Variants in NFIA observed in about 807,000 individuals in gnomAD.
NFIA encodes nuclear factor I A.
Under a neutral mutation model 62.8 loss-of-function variants are expected in NFIA, and 8 were observed. That is an observed-to-expected ratio of 0.13 (90% confidence interval 0.07 to 0.23). The LOEUF (loss-of-function observed/expected upper bound fraction) is 0.23. Ranked by LOEUF, NFIA falls within the 10% of genes least tolerant of loss-of-function variation. The probability of loss-of-function intolerance (pLI) is 1.00; values close to 1 mark genes in which losing one functional copy is unlikely to be tolerated. For synonymous variants in NFIA, 235 were observed against 238.1 expected, an observed-to-expected ratio of 0.99 and a Z score of 0.12; for missense variants, 410 against 642.1, an observed-to-expected ratio of 0.64 and a Z score of 3.91.
At chr1:61,177,085 G>C (rs188746369) in intron 2 of NFIA, among the ~76,000 whole-genome samples, 2 of 150,938 alleles carry the variant, frequency 1.3e-5, no homozygotes, top group South Asian at 2.1e-4. Flanking sequence ...CAGCCTGGGC[G>C]ACAGAGCGAG....
At chr1:61,224,320 G>A (rs1304052075) in intron 2 of NFIA, among the ~76,000 whole-genome samples, 1 of 151,940 alleles carries the variant, frequency 6.6e-6, no homozygotes, top group Non-Finnish European at 1.5e-5. Flanking sequence ...AAAAAAGTGT[G>A]CTTTTTTGGT....
intron 7 of NFIA, among the ~76,000 whole-genome samples, chr1:61,398,613 G>T (rs72913897): frequency 6.6e-6 from 1 of 152,084 alleles, no homozygotes; most frequent in African/African-American, 2.4e-5. Context: ...GTGCATCTTC[G>T]TGATGTTAAA....
intron 2 of NFIA, among the ~76,000 whole-genome samples, chr1:61,136,422 A>G (rs1647190880): frequency 6.6e-6 from 1 of 152,204 alleles, no homozygotes; most frequent in South Asian, 2.1e-4. Flanking sequence ...ATTTAATTAG[A>G]CAAATTATAC....
At chr1:61,235,821 AAAAAAGAAAAAG>A (rs869219255) in intron 2 of NFIA, among the ~76,000 whole-genome samples, 2 of 151,882 alleles carry the variant, frequency 1.3e-5, no homozygotes, top group Non-Finnish European at 2.9e-5. Context: ...TCAAAAAAAA[AAAAAAGAAAAAG>A]AAAAAGAAAG....
At chr1:61,179,831 A>G in intron 2 of NFIA, among the ~76,000 whole-genome samples, 1 of 151,992 alleles carries the variant, frequency 6.6e-6, no homozygotes, top group East Asian at 1.9e-4. Flanking sequence ...TGGGGGGTGA[A>G]AGTTGATTTT....
chr1:61,097,320 T>A (rs1171121956), intron 2 of NFIA, among the ~76,000 whole-genome samples: 1 of 152,174 alleles, frequency 6.6e-6, no homozygotes, highest in Non-Finnish European at 1.5e-5. Context: ...TTTAAATGGC[T>A]ATTGCTGTAG....
intron 2 of NFIA, among the ~76,000 whole-genome samples, chr1:61,238,143 G>C (rs180840927): frequency 1.3e-5 from 2 of 152,274 alleles, no homozygotes; most frequent in African/African-American, 4.8e-5. Context: ...CAAGCAGTTT[G>C]CTTTGTTACC....
chr1:61,294,007 T>C (rs925385746), intron 3 of NFIA, among the ~76,000 whole-genome samples: 1 of 152,230 alleles, frequency 6.6e-6, no homozygotes, highest in Non-Finnish European at 1.5e-5. Flanking sequence ...GTTTAAATTA[T>C]AATACAATCC....
intron 2 of NFIA, among the ~76,000 whole-genome samples, chr1:61,256,342 A>G (rs1656392824): frequency 1.3e-5 from 2 of 151,250 alleles, no homozygotes; most frequent in Admixed American, 6.6e-5. Flanking sequence ...AGGCTGAGGC[A>G]GGAGAATCGC....
At chr1:61,368,526 T>C (rs1361685304) in intron 6 of NFIA, among the ~76,000 whole-genome samples, 1 of 152,212 alleles carries the variant, frequency 6.6e-6, no homozygotes, top group Admixed American at 6.5e-5. Context: ...CTTCTCTGAA[T>C]TTTCATTTCC....
chr1:61,129,870 T>C (rs1647043195), intron 2 of NFIA, among the ~76,000 whole-genome samples: 1 of 152,092 alleles, frequency 6.6e-6, no homozygotes, highest in Non-Finnish European at 1.5e-5. Flanking sequence ...AAGTTAGAGA[T>C]GTGGGGAGAC....
In NFIA at chr1:61,377,630, C is replaced by T. The variant is rs77668454; in HGVS notation, c.947-5607C>T. Among the ~76,000 whole-genome samples the T allele has an allele frequency of 3.8e-3, 572 of 152,242 alleles. 2 individuals carry two copies. The highest frequency in any genetic ancestry group is 6.1e-3 in the Non-Finnish European group (414 of 68,014). ...GGTTGCTTGCTTTCAGAGTTTCTCTCCGTTTGTGACTATAAATGAACATTA... is the reference window on the plus strand; with the variant it reads ...GGTTGCTTGCTTTCAGAGTTTCTCTTCGTTTGTGACTATAAATGAACATTA... On this transcript the variant is annotated intron_variant, in intron 6 of 10. Transcript: ENST00000403491.
intron 10 of NFIA, among the ~76,000 whole-genome samples, chr1:61,430,429 T>G (rs1263597297): frequency 1.3e-5 from 2 of 152,240 alleles, no homozygotes; most frequent in Non-Finnish European, 2.9e-5. Flanking sequence ...ATCCAGAGTG[T>G]TTCTGTGCAT....
intron 10 of NFIA, among the ~76,000 whole-genome samples, chr1:61,449,710 T>C (rs139094430): frequency 6.6e-6 from 1 of 152,352 alleles, no homozygotes; most frequent in African/African-American, 2.4e-5. Context: ...CATTACGGTT[T>C]TAATAGTTTT....
intron 3 of NFIA, among the ~76,000 whole-genome samples, chr1:61,323,488 T>C (rs1296955677): frequency 6.6e-6 from 1 of 152,242 alleles, no homozygotes; most frequent in Admixed American, 6.5e-5. Flanking sequence ...TGCTCCTGTG[T>C]TCTTTTTTAG....
intron 9 of NFIA, among the ~76,000 whole-genome samples, chr1:61,421,639 T>C (rs967960040): frequency 2.0e-5 from 3 of 152,206 alleles, no homozygotes; most frequent in African/African-American, 2.4e-5. Flanking sequence ...ATTTTCCTCC[T>C]AGCTGCGGCC....
intron 2 of NFIA, among the ~76,000 whole-genome samples, chr1:61,200,010 G>GTATATATA (rs60422302): frequency 9.5e-5 from 5 of 52,826 alleles, no homozygotes; most frequent in East Asian, 4.7e-4. Flanking sequence ...ATATATATAT[G>GTATATATA]TATATATATA....
chr1:61,204,699 G>A (rs924786629), intron 2 of NFIA, among the ~76,000 whole-genome samples: 2 of 152,118 alleles, frequency 1.3e-5, no homozygotes, highest in African/African-American at 4.8e-5. Flanking sequence ...GGTTACTGAA[G>A]ATAGTGAGGC....
At chr1:61,318,236 A>C (rs1660474504) in intron 3 of NFIA, among the ~76,000 whole-genome samples, 1 of 152,172 alleles carries the variant, frequency 6.6e-6, no homozygotes, top group African/African-American at 2.4e-5. Context: ...TTCAAAACTA[A>C]GTCTGGAGAA....
Sources: allele counts gnomAD v4.1 joint callset (sites outside exome capture counted in the v4.1 genomes callset), GRCh38; gene constraint gnomAD v4.1.1; transcripts MANE v1.5; gene names NCBI Gene and HGNC (gene_info 2026-07-23, HGNC 2026-07-21).